Variants in FBLN1 observed in about 807,000 individuals in gnomAD.
FBLN1 encodes the protein fibulin-1.
A neutral mutation model predicts 89.7 loss-of-function variants in FBLN1; 34 were observed. The ratio of observed to expected loss-of-function variants is 0.38; its 90% confidence interval spans 0.29 to 0.50. The LOEUF is 0.50. Among genes scored for constraint, FBLN1 ranks in the 20% least tolerant of loss-of-function variants. FBLN1 has a pLI of 0.92. For missense variants in FBLN1, 777 were observed against 988.1 expected, an observed-to-expected ratio of 0.79 and a Z score of 2.86; for synonymous variants, 393 against 391.3, an observed-to-expected ratio of 1.00 and a Z score of -0.05.
intron 8 of FBLN1, chr22:45,535,711 C>G (rs1226789563): frequency 8.7e-6 from 2 of 230,562 alleles, no homozygotes; most frequent in African/African-American, 4.6e-5. Flanking sequence ...TAGAGTGACC[C>G]AAGAAAATTA....
intron 1 of FBLN1, among the ~76,000 whole-genome samples, chr22:45,510,918 G>T (rs1165565294): frequency 2.6e-5 from 4 of 152,184 alleles, no homozygotes; most frequent in Non-Finnish European, 5.9e-5. Flanking sequence ...CCATCCATCT[G>T]CACCAGTTAC....
Position 45,556,055 on chromosome 22 carries a change from G to A in FBLN1, c.1697+5440G>A, listed in dbSNP as rs1022460002. Among the ~76,000 whole-genome samples the A allele has an allele frequency of 6.6e-6, 1 of 152,174 alleles. No homozygotes were observed. Among genetic ancestry groups the A allele is most frequent in the Non-Finnish European group, 1.5e-5 (1 of 68,038 alleles). On this transcript the variant is annotated intron_variant, in intron 14 of 16. Transcript: ENST00000327858. The surrounding 1 kb of genome is among the most constrained non-coding windows in gnomAD (Gnocchi z 4.6). ...CTGTTGCCGAGGCTGAAGTGTGGTG[G>A]TGTGATTTTGTCTCACCGCAACCTC...
intron 2 of FBLN1, among the ~76,000 whole-genome samples, chr22:45,525,312 C>T (rs2088310847): frequency 6.6e-6 from 1 of 152,266 alleles, no homozygotes; most frequent in African/African-American, 2.4e-5. Context: ...ACCTCATCCT[C>T]TCAATGTGCT....
In FBLN1 at chr22:45,556,250, C is replaced by A. The variant is rs2088786738; in HGVS notation, c.1697+5635C>A. Reference sequence around the variant, plus strand: ...ACCTCAAGTGATCCTCCCGCCTCGGCCTCCCAAAATGCTGGGATTACAGTC... The same window carrying A: ...ACCTCAAGTGATCCTCCCGCCTCGGACTCCCAAAATGCTGGGATTACAGTC... On this transcript the variant is annotated intron_variant, in intron 14 of 16. Coordinates refer to ENST00000327858, the MANE Select transcript of FBLN1 (RefSeq NM_006486.3). This position sits in a 1 kb window ranked among gnomAD's most constrained non-coding sequence, Gnocchi z 4.6. Among the ~76,000 whole-genome samples, 1 of 152,132 alleles carries A rather than the reference C, an allele frequency of 6.6e-6. No individual in the cohort carries two copies. The highest frequency in any genetic ancestry group is 1.5e-5 in the Non-Finnish European group (1 of 68,020).
intron 1 of FBLN1, among the ~76,000 whole-genome samples, chr22:45,515,781 A>G (rs2088161993): frequency 6.6e-6 from 1 of 152,206 alleles, no homozygotes; most frequent in Admixed American, 6.5e-5. Flanking sequence ...CAACCCTGGG[A>G]AGACAGTGCA....
Position 45,578,142 on chromosome 22 carries a change from G to C in FBLN1, c.1972+1034G>C, listed in dbSNP as rs546262757. ...GAGGTCCTAACCAGAACCCACGAGCGTGCAGTGCGCACAGAGCAGAGCGTT... is the reference window on the plus strand; with the variant it reads ...GAGGTCCTAACCAGAACCCACGAGCCTGCAGTGCGCACAGAGCAGAGCGTT... On this transcript the variant is annotated intron_variant, in intron 16 of 16. Coordinates refer to ENST00000327858, the MANE Select transcript of FBLN1 (RefSeq NM_006486.3). The surrounding 1 kb of genome is among the most constrained non-coding windows in gnomAD (Gnocchi z 4.6). 1.3e-5 allele frequency: 2 copies of C among 152,326 alleles called. No homozygotes were observed. The highest frequency in any genetic ancestry group is 3.9e-4 in the East Asian group (2 of 5,156). The allele number at this position is 152,326 out of a possible 1,614,324, so 9.4% of individuals were successfully genotyped here.
chr22:45,588,867 A>G lies in FBLN1; in HGVS notation c.1973-11440A>G, dbSNP rs1353085965. Among the ~76,000 whole-genome samples the G allele has an allele frequency of 6.6e-6, 1 of 150,390 alleles. No individual in the cohort carries two copies. The highest frequency in any genetic ancestry group is 1.5e-5 in the Non-Finnish European group (1 of 67,844). ...TATGAATCTTTTGGCGGCCTCTCCT[A>G]ACCGTCTTTAAATCTGCGAAAGGAT... On this transcript the variant is annotated intron_variant, in intron 16 of 16. Transcript: ENST00000327858. This position sits in a 1 kb window ranked among gnomAD's most constrained non-coding sequence, Gnocchi z 5.1.
Position 45,562,814 on chromosome 22 carries a change from C to T in FBLN1, c.1698-11697C>T, listed in dbSNP as rs743930. 20,446 of 1,204,012 alleles carry T rather than the reference C, an allele frequency of 0.017. 236 individuals carry two copies. Among genetic ancestry groups the T allele is most frequent in the Non-Finnish European group, 0.021 (17,537 of 819,846 alleles). The allele number at this position is 1,204,012 out of a possible 1,614,324, so 74.6% of individuals were successfully genotyped here. On this transcript the variant is annotated intron_variant, in intron 14 of 16. Coordinates refer to ENST00000327858, the MANE Select transcript of FBLN1 (RefSeq NM_006486.3). This position sits in a 1 kb window ranked among gnomAD's most constrained non-coding sequence, Gnocchi z 7.8. Reference sequence around the variant, plus strand: ...AATCGGCCAGAGGGGCGGCGGGAGGCCCCGCCTGCCAGCCCCGCATCCCCG... The same window carrying T: ...AATCGGCCAGAGGGGCGGCGGGAGGTCCCGCCTGCCAGCCCCGCATCCCCG...
At position 45,574,927 on chromosome 22, in the gene FBLN1, G is replaced by A. The variant is rs1050364893; in HGVS notation, c.1840+274G>A. On this transcript the variant is annotated intron_variant, in intron 15 of 16. Transcript: ENST00000327858. This position sits in a 1 kb window ranked among gnomAD's most constrained non-coding sequence, Gnocchi z 4.1. ...CTTCCGAGTAGCTGGGACTACAGGC[G>A]CCCGCCACCACGCCTGGCTAATCTT... Among the ~76,000 whole-genome samples the A allele has an allele frequency of 1.3e-5, 2 of 151,936 alleles. No individual in the cohort carries two copies. Among genetic ancestry groups the A allele is most frequent in the Non-Finnish European group, 2.9e-5 (2 of 67,976 alleles).
chr22:45,528,282 A>T (rs1569240965), intron 4 of FBLN1, among the ~76,000 whole-genome samples: 1 of 151,970 alleles, frequency 6.6e-6, no homozygotes, highest in Non-Finnish European at 1.5e-5. Context: ...TGATTGAGTG[A>T]GGCCCACCCA....
Position 45,556,768 on chromosome 22 carries a change from T to C in FBLN1, c.1697+6153T>C, listed in dbSNP as rs2088793542. 6.6e-6 allele frequency among the ~76,000 whole-genome samples: 1 copy of C among 152,174 alleles called. No homozygotes were observed. The highest frequency in any genetic ancestry group is 1.5e-5 in the Non-Finnish European group (1 of 68,020). On this transcript the variant is annotated intron_variant, in intron 14 of 16. Coordinates refer to ENST00000327858, the MANE Select transcript of FBLN1 (RefSeq NM_006486.3). The surrounding 1 kb of genome is among the most constrained non-coding windows in gnomAD (Gnocchi z 4.6). ...GTGGCAATCTTAATTTCCAGTTTAATGGAATCCTTGTTCTGTCTCCTGGTG... is the reference window on the plus strand; with the variant it reads ...GTGGCAATCTTAATTTCCAGTTTAACGGAATCCTTGTTCTGTCTCCTGGTG...
rs969677331 is a variant in FBLN1 at position 45,575,114 on chromosome 22, T to TC, written c.1840+468dup. ...ATGCAGAACTTTCTTTGTGTCTGTG[T>TC]CCCCCCCACACCCACCTGGCACAGC... On this transcript the variant is annotated intron_variant, in intron 15 of 16. Transcript: ENST00000327858. The surrounding 1 kb of genome is among the most constrained non-coding windows in gnomAD (Gnocchi z 6.3). Among the ~76,000 whole-genome samples the TC allele has an allele frequency of 2.0e-5, 3 of 152,104 alleles. No individual in the cohort carries two copies. Among genetic ancestry groups the TC allele is most frequent in the African/African-American group, 7.2e-5 (3 of 41,504 alleles).
rs1176237208 is a variant in FBLN1, at chr22:45,581,661, A to G, written c.1972+4553A>G. On this transcript the variant is annotated intron_variant, in intron 16 of 16. Transcript: ENST00000327858. The surrounding 1 kb of genome is among the most constrained non-coding windows in gnomAD (Gnocchi z 7.6). ...CGGAGTTGTCTTTGTAGTTTTTTGC[A>G]GGCCAGCCCCTCCTGTCGCACGGGC... Among the ~76,000 whole-genome samples, 1 of 151,972 alleles carries G rather than the reference A, an allele frequency of 6.6e-6. No individual in the cohort carries two copies. The highest frequency in any genetic ancestry group is 2.4e-5 in the African/African-American group (1 of 41,384).
At chr22:45,519,917 C>T (rs1230228430) in intron 2 of FBLN1, among the ~76,000 whole-genome samples, 1 of 152,152 alleles carries the variant, frequency 6.6e-6, no homozygotes, top group Non-Finnish European at 1.5e-5. Context: ...CCCCTGTAAT[C>T]CCAGCACTTT....
chr22:45,525,826 G>T, intron 3 of FBLN1, 148 bp downstream of exon 3: 1 of 1,121,972 alleles, frequency 8.9e-7, no homozygotes, highest in Non-Finnish European at 1.3e-6. Flanking sequence ...GGCCAGGAGG[G>T]AGGTGGAAAA....
intron 16 of FBLN1, among the ~76,000 whole-genome samples, chr22:45,594,195 T>C (rs527562048): frequency 6.6e-6 from 1 of 152,304 alleles, no homozygotes; most frequent in Admixed American, 6.5e-5. Context: ...TCCTTGCTAC[T>C]TCTTCCTCCT....
Position 45,550,709 on chromosome 22 carries a change from G to C in FBLN1, c.1697+94G>C. The stretch of plus-strand genomic sequence containing the variant: ...GGGTGGGTTATCAGGCTGTGACCTC[G>C]GTGTCCTCCCATGAGGGACTCAGGG... On this transcript the variant is annotated intron_variant, in intron 14 of 16. Transcript: ENST00000327858. This position sits in a 1 kb window ranked among gnomAD's most constrained non-coding sequence, Gnocchi z 8.4. 2.5e-6 allele frequency: 4 copies of C among 1,571,988 alleles called. No homozygotes were observed. Among genetic ancestry groups the C allele is most frequent in the Non-Finnish European group, 3.5e-6 (4 of 1,144,096 alleles).
intron 1 of FBLN1, among the ~76,000 whole-genome samples, chr22:45,512,097 C>T (rs2088109535): frequency 6.6e-6 from 1 of 151,768 alleles, no homozygotes; most frequent in Non-Finnish European, 1.5e-5. Flanking sequence ...AGTGCCTGTT[C>T]TGCTTGGGTG....
intron 2 of FBLN1, 131 bp downstream of exon 2, chr22:45,518,918 G>A (rs557342504): frequency 3.8e-5 from 33 of 858,188 alleles, no homozygotes; most frequent in Middle Eastern, 2.6e-4. Context: ...TCCAGGCTGC[G>A]GGTGCTGCAG....
Sources: gnomAD v4.1 joint callset for allele counts (sites outside exome capture counted in the v4.1 genomes callset) on GRCh38, gnomAD v4.1.1 for gene constraint, Gnocchi (gnomAD v3.1) non-coding constraint, MANE v1.5 for transcripts, NCBI Gene and HGNC (gene_info 2026-07-23, HGNC 2026-07-21) for gene names.